CASZ1: variants seen among roughly 807,000 people sequenced by gnomAD.
CASZ1 encodes castor zinc finger 1.
A neutral mutation model predicts 135.2 loss-of-function variants in CASZ1; 28 were observed. That is an observed-to-expected ratio of 0.21 (90% CI 0.15 to 0.28). The LOEUF is 0.28. CASZ1 is among the 10% of genes least tolerant of loss of function. The pLI is 1.00. For missense variants in CASZ1, 2,161 were observed against 2,453.3 expected, an observed-to-expected ratio of 0.88 and a Z score of 2.52; for synonymous variants, 1,068 against 1,073.4, an observed-to-expected ratio of 0.99 and a Z score of 0.10.
At chr1:10,748,641 C>T (rs1640093187) in intron 2 of CASZ1, among the ~76,000 whole-genome samples, 1 of 152,134 alleles carries the variant, frequency 6.6e-6, no homozygotes, top group African/African-American at 2.4e-5. Flanking sequence ...AGCTCCCCGA[C>T]CTGACCACTA....
chr1:10,778,495 AAC>A (rs749411274), intron 1 of CASZ1, among the ~76,000 whole-genome samples: 27 of 152,140 alleles, frequency 1.8e-4, no homozygotes, highest in Non-Finnish European at 2.1e-4. Flanking sequence ...CACAGTCTCA[AAC>A]ACAGTCACTC....
intron 2 of CASZ1, among the ~76,000 whole-genome samples, chr1:10,743,823 G>GCAAGAAGC (rs1435069586): frequency 2.0e-4 from 27 of 135,898 alleles, no homozygotes; most frequent in African/African-American, 6.5e-4. Context: ...TGAGCAGAGA[G>GCAAGAAGC]CAAGAAGCGA....
At chr1:10,731,427 A>T (rs377732280) in intron 2 of CASZ1, among the ~76,000 whole-genome samples, 1 of 151,098 alleles carries the variant, frequency 6.6e-6, no homozygotes, top group Non-Finnish European at 1.5e-5. Context: ...TACTAAAAAT[A>T]AAAAAAAAGT....
chr1:10,646,369 G>A lies in CASZ1; in HGVS notation c.3498-43C>T, dbSNP rs750295763. 4 of 1,590,612 alleles carry A rather than the reference G, an allele frequency of 2.5e-6. No individual in the cohort carries two copies. In the East Asian group the frequency reaches 6.7e-5, roughly 27 times the overall value. ...CCCAGAAGGTCATTGCCATTCTCAA[G>A]CCCTCCCTGCTGGTGTCCTGACTTC... is the stretch of plus-strand genomic sequence containing the variant. On this transcript the variant is annotated intron_variant, in intron 16 of 20. Coordinates refer to ENST00000377022, the MANE Select transcript of CASZ1 (RefSeq NM_001079843.3). This position sits in a 1 kb window ranked among gnomAD's most constrained non-coding sequence, Gnocchi z 6.4.
intron 5 of CASZ1, among the ~76,000 whole-genome samples, chr1:10,662,524 TCACA>T (rs1399855103): frequency 2.0e-5 from 3 of 151,448 alleles, no homozygotes; most frequent in African/African-American, 7.3e-5. Context: ...ATGCACACAG[TCACA>T]CACAACACAC....
chr1:10,709,882 G>A lies in CASZ1; in HGVS notation c.-76-4338C>T, dbSNP rs886466399. Among the ~76,000 whole-genome samples, 8 of 152,206 alleles carry A rather than the reference G, an allele frequency of 5.3e-5. No homozygotes were observed. Among genetic ancestry groups the A allele is most frequent in the East Asian group, 3.9e-4 (2 of 5,180 alleles). The stretch of plus-strand genomic sequence containing the variant: ...GGCCCGCACAGGCCAGCAGGTGCCC[G>A]ATCGAGACAGAGGCCTCGGGAAAGG... On this transcript the variant is annotated intron_variant, in intron 2 of 20. Transcript: ENST00000377022. The surrounding 1 kb of genome is among the most constrained non-coding windows in gnomAD (Gnocchi z 5.1).
In CASZ1 at chr1:10,639,317, C is replaced by A. The variant is rs1160568102; in HGVS notation, c.4905G>T (p.Ala1635=). 1.1e-5 allele frequency: 16 copies of A among 1,441,530 alleles called. No homozygotes were observed. The highest frequency in any genetic ancestry group is 1.4e-5 in the Non-Finnish European group (16 of 1,106,754). 89.3% of individuals were successfully genotyped at this position (1,441,530 alleles called of 1,614,324 possible). ...CCAGCGCCAGGCCCAGGCCGGCGGC[C>A]GCCGACTGCAGGAAGAGCAGCGAGC... The part of the protein sequence containing the change: ...EPGSLLFLQS[A]AAGLGLALGD... Residue 1635 remains alanine (A), a synonymous_variant, in exon 21 of 21, where the codon GCG becomes GCT. Coordinates refer to ENST00000377022, the MANE Select transcript of CASZ1 (RefSeq NM_001079843.3). This position sits in a 1 kb window ranked among gnomAD's most constrained non-coding sequence, Gnocchi z 4.0.
intron 3 of CASZ1, among the ~76,000 whole-genome samples, chr1:10,702,962 CAGAGAG>C (rs142859359): frequency 6.2e-4 from 88 of 142,874 alleles, no homozygotes; most frequent in African/African-American, 2.0e-3. Flanking sequence ...GAGGGAGAGG[CAGAGAG>C]AGAGAGAGAG....
chr1:10,712,710 C>G (rs564830754), intron 2 of CASZ1, among the ~76,000 whole-genome samples: 1 of 152,168 alleles, frequency 6.6e-6, no homozygotes. Flanking sequence ...AAGGGACCTC[C>G]CCTTAGGACC....
chr1:10,724,196 G>C lies in CASZ1; in HGVS notation c.-76-18652C>G, dbSNP rs1296905051. ...CCCCAGCACACGATCCACAGGGTGA[G>C]AGCAAAGGCCACGTGGTCAGAGCCG... is the stretch of plus-strand genomic sequence containing the variant. On this transcript the variant is annotated intron_variant, in intron 2 of 20. Coordinates refer to ENST00000377022, the MANE Select transcript of CASZ1 (RefSeq NM_001079843.3). This position sits in a 1 kb window ranked among gnomAD's most constrained non-coding sequence, Gnocchi z 4.1. 2.0e-5 allele frequency among the ~76,000 whole-genome samples: 3 copies of C among 152,318 alleles called. No homozygotes were observed. Among genetic ancestry groups the C allele is most frequent in the Admixed American group, 6.5e-5 (1 of 15,306 alleles).
At chr1:10,641,005 C>G (rs2124665108) in intron 20 of CASZ1, among the ~76,000 whole-genome samples, 1 of 152,376 alleles carries the variant, frequency 6.6e-6, no homozygotes, top group African/African-American at 2.4e-5. Flanking sequence ...CTCTGACCAG[C>G]CCCACCAGAG....
chr1:10,713,558 C>T (rs1445859994), intron 2 of CASZ1, among the ~76,000 whole-genome samples: 1 of 152,190 alleles, frequency 6.6e-6, no homozygotes, highest in Non-Finnish European at 1.5e-5. Context: ...GTCCTCTAAC[C>T]CCCTCTCTGG....
rs146887532 is a variant in CASZ1, at chr1:10,660,338, C to T, written c.704G>A (p.Arg235Gln). ...TSEDTLSKRA[R>Q]FSKYEEYIRK... ...GATGTACTCCTCATACTTAGAGAACCGCGCCCGCTTGCTGAGGGTATCCTC... is the reference window on the plus strand; with the variant it reads ...GATGTACTCCTCATACTTAGAGAACTGCGCCCGCTTGCTGAGGGTATCCTC... Residue 235 changes from arginine (R) to glutamine (Q), a missense_variant, in exon 6 of 21, where the codon CGG (arginine) becomes CAG (glutamine). Transcript: ENST00000377022. The T allele has an allele frequency of 4.5e-5, 72 of 1,614,038 alleles. 1 individual carries two copies. Among genetic ancestry groups the T allele is most frequent in the African/African-American group, 6.7e-5 (5 of 74,932 alleles).
chr1:10,692,424 G>T (rs934487732), intron 4 of CASZ1, among the ~76,000 whole-genome samples: 1 of 152,166 alleles, frequency 6.6e-6, no homozygotes, highest in African/African-American at 2.4e-5. Context: ...GAAGAAAGGG[G>T]GTGGGGCCTG....
intron 9 of CASZ1, among the ~76,000 whole-genome samples, 198 bp downstream of exon 9, chr1:10,655,451 G>C (rs1331431207): frequency 6.6e-6 from 1 of 152,258 alleles, no homozygotes; most frequent in African/African-American, 2.4e-5. Context: ...TGGCCCACCA[G>C]ACGCTGCCCA....
intron 3 of CASZ1, among the ~76,000 whole-genome samples, chr1:10,695,516 A>G (rs569255790): frequency 6.9e-6 from 1 of 144,800 alleles, no homozygotes; most frequent in Non-Finnish European, 1.5e-5. Flanking sequence ...GGCGCTCAGT[A>G]GAGCACAGGC....
At chr1:10,787,908 A>G (rs1640887730) in intron 1 of CASZ1, among the ~76,000 whole-genome samples, 1 of 152,168 alleles carries the variant, frequency 6.6e-6, no homozygotes, top group Admixed American at 6.5e-5. Flanking sequence ...AGCTCCCCAG[A>G]AGTTGCTTTC....
At position 10,648,088 on chromosome 1, in the gene CASZ1, G is replaced by C; in HGVS notation, c.3210C>G (p.Ala1070=). ...TGGTCTCGGCGGCCGAGGCCGGAAA[G>C]GCAGCCTCTGTGTTTCCTTTTGCTG... ...GGAAKGNTEA[A]FPASAAETKP... Residue 1070 remains alanine, a synonymous_variant, in exon 16 of 21, where the codon GCC becomes GCG. Transcript: ENST00000377022. The C allele has an allele frequency of 6.4e-7, 1 of 1,571,618 alleles. No homozygotes were observed. The highest frequency in any genetic ancestry group is 2.3e-5 in the East Asian group (1 of 43,306).
At chr1:10,702,657 G>A (rs1639085623) in intron 3 of CASZ1, among the ~76,000 whole-genome samples, 1 of 152,132 alleles carries the variant, frequency 6.6e-6, no homozygotes, top group African/African-American at 2.4e-5. Flanking sequence ...GGGAGGCCAA[G>A]AACCCCATCG....
Sources: allele counts gnomAD v4.1 joint callset (sites outside exome capture counted in the v4.1 genomes callset), GRCh38; gene constraint gnomAD v4.1.1; non-coding constraint Gnocchi (gnomAD v3.1); transcripts MANE v1.5; gene names NCBI Gene and HGNC (gene_info 2026-07-23, HGNC 2026-07-21).